Variants in OSBPL8 observed in about 807,000 individuals in gnomAD.
OSBPL8 encodes oxysterol-binding protein-related protein 8.
Under a neutral mutation model 125.5 loss-of-function variants are expected in OSBPL8, and 59 were observed. The ratio of observed to expected loss-of-function variants is 0.47; its 90% confidence interval spans 0.38 to 0.58. OSBPL8 has a LOEUF of 0.58. Among genes scored for constraint, OSBPL8 ranks in the 20% least tolerant of loss-of-function variants. The pLI, the probability that OSBPL8 is intolerant of heterozygous loss-of-function variation, is 0.00. For synonymous variants in OSBPL8, 330 were observed against 338.9 expected (o/e 0.97, Z 0.29); for missense variants, 758 against 1,047.8 (o/e 0.72, Z 3.82).
At chr12:76,362,617 A>T (rs1408366404) in intron 21 of OSBPL8, among the ~76,000 whole-genome samples, 1 of 152,204 alleles carries the variant, frequency 6.6e-6, no homozygotes, top group African/African-American at 2.4e-5. Context: ...TTTGAAAACC[A>T]GCACAAGACA....
At chr12:76,358,157 T>C (rs909777813) in intron 22 of OSBPL8, among the ~76,000 whole-genome samples, 5 of 149,794 alleles carry the variant, frequency 3.3e-5, no homozygotes, top group Middle Eastern at 3.5e-3. Context: ...AAGAGGTAGC[T>C]ACTACTAGAG....
intron 8 of OSBPL8, 87 bp from the exon 9 acceptor site, chr12:76,394,816 T>A (rs1219817094): frequency 3.4e-6 from 3 of 882,356 alleles, no homozygotes; most frequent in East Asian, 6.0e-5. Flanking sequence ...TCTGTAATAA[T>A]CTAAATCAGG....
At chr12:76,361,836 C>T (rs1194718632) in intron 21 of OSBPL8, among the ~76,000 whole-genome samples, 2 of 152,176 alleles carry the variant, frequency 1.3e-5, no homozygotes, top group Admixed American at 6.5e-5. Flanking sequence ...CTCCGGGTCC[C>T]TCCCACAGCA....
At chr12:76,454,729 TAAA>T (rs140485885) in intron 3 of OSBPL8, among the ~76,000 whole-genome samples, 1 of 117,082 alleles carries the variant, frequency 8.5e-6, no homozygotes, top group African/African-American at 3.0e-5. Flanking sequence ...TTTAAAAAAT[TAAA>T]AAAAAAAAAA....
chr12:76,392,372 G>A (rs1485255872), intron 10 of OSBPL8, among the ~76,000 whole-genome samples: 1 of 151,996 alleles, frequency 6.6e-6, no homozygotes, highest in East Asian at 1.9e-4. Flanking sequence ...GAAAGATAAA[G>A]TAAATCACGT....
intron 4 of OSBPL8, among the ~76,000 whole-genome samples, chr12:76,425,561 A>G (rs185091227): frequency 2.0e-5 from 3 of 152,278 alleles, no homozygotes; most frequent in African/African-American, 7.2e-5. Context: ...TCATTACCAA[A>G]AAGTCCCCCT....
At chr12:76,435,085 G>A (rs532836420) in intron 4 of OSBPL8, among the ~76,000 whole-genome samples, 12 of 151,984 alleles carry the variant, frequency 7.9e-5, no homozygotes, top group East Asian at 1.9e-4. Flanking sequence ...TCACAATAGC[G>A]AAGATATGGA....
chr12:76,511,126 G>C (rs1565956892), intron 1 of OSBPL8, among the ~76,000 whole-genome samples: 1 of 152,146 alleles, frequency 6.6e-6, no homozygotes, highest in Non-Finnish European at 1.5e-5. Context: ...GGTAGAGTGA[G>C]AGTCAAAACA....
At chr12:76,551,439 T>C (rs377444019) in intron 1 of OSBPL8, among the ~76,000 whole-genome samples, 16 of 152,182 alleles carry the variant, frequency 1.1e-4, no homozygotes, top group African/African-American at 3.6e-4. Context: ...CATTCTACAA[T>C]GCACAGGAAC....
chr12:76,456,383 G>A (rs966294450), intron 3 of OSBPL8, among the ~76,000 whole-genome samples: 2 of 152,148 alleles, frequency 1.3e-5, no homozygotes, highest in Non-Finnish European at 2.9e-5. Flanking sequence ...GGGACTGGGA[G>A]TGGTAGCTCA....
At chr12:76,549,922 AAAAAAAAAAAAGG>A (rs869155368) in intron 1 of OSBPL8, among the ~76,000 whole-genome samples, 213 of 10,154 alleles carry the variant, frequency 0.021, no homozygotes, top group African/African-American at 0.042. Flanking sequence ...AAGCAGATGC[AAAAAAAAAAAAGG>A]AAAAAAAAAT....
At position 76,441,683 on chromosome 12, in the gene OSBPL8, C is replaced by T. The variant is rs1443713088; in HGVS notation, c.217+9168G>A. Among the ~76,000 whole-genome samples, 3 of 151,702 alleles carry T rather than the reference C, an allele frequency of 2.0e-5. No individual in the cohort carries two copies. In the East Asian group the frequency reaches 5.8e-4, roughly 29 times the overall value. ...TTAAGTTAAAAAATATATAAAAGAACATTTTTTCAAGGAAAAAATACTCCT... is the reference window on the plus strand; with the variant it reads ...TTAAGTTAAAAAATATATAAAAGAATATTTTTTCAAGGAAAAAATACTCCT... On this transcript the variant is annotated intron_variant, in intron 4 of 23. Coordinates refer to ENST00000261183, the MANE Select transcript of OSBPL8 (RefSeq NM_020841.5).
chr12:76,556,741 G>A (rs1951112483), intron 1 of OSBPL8, among the ~76,000 whole-genome samples: 1 of 152,270 alleles, frequency 6.6e-6, no homozygotes, highest in East Asian at 1.9e-4. Context: ...TTGGCTCGTT[G>A]CAATCTCTGT....
intron 1 of OSBPL8, among the ~76,000 whole-genome samples, chr12:76,535,156 T>G (rs1327054577): frequency 6.6e-6 from 1 of 152,088 alleles, no homozygotes; most frequent in Non-Finnish European, 1.5e-5. Context: ...AAATTACTTC[T>G]CTTTAAAAAG....
intron 3 of OSBPL8, among the ~76,000 whole-genome samples, chr12:76,455,568 G>A (rs1411614457): frequency 6.6e-6 from 1 of 152,098 alleles, no homozygotes; most frequent in Non-Finnish European, 1.5e-5. Context: ...ACATGATTTT[G>A]ATAGCCGTGA....
chr12:76,412,520 T>C (rs1038938620), intron 4 of OSBPL8, among the ~76,000 whole-genome samples: 2 of 152,186 alleles, frequency 1.3e-5, no homozygotes, highest in Non-Finnish European at 2.9e-5. Flanking sequence ...CTAGTCTATA[T>C]CCCTTTAACT....
chr12:76,516,825 T>C (rs1881586950), intron 1 of OSBPL8, among the ~76,000 whole-genome samples: 1 of 151,034 alleles, frequency 6.6e-6, no homozygotes, highest in South Asian at 2.1e-4. Context: ...TTCTTTTTTT[T>C]TTTTTTTGAG....
Position 76,538,412 on chromosome 12 carries a change from C to T in OSBPL8, c.-68+20985G>A, listed in dbSNP as rs144940083. Among the ~76,000 whole-genome samples the T allele has an allele frequency of 4.8e-3, 728 of 152,188 alleles. 2 individuals are homozygous for T. The highest frequency in any genetic ancestry group is 8.1e-3 in the Non-Finnish European group (549 of 67,992). ...TAATAATAAGATTAGCAATAAAACACTAGTCAAGACCTGTCACTAACTTTT... is the reference window on the plus strand; with the variant it reads ...TAATAATAAGATTAGCAATAAAACATTAGTCAAGACCTGTCACTAACTTTT... On this transcript the variant is annotated intron_variant, in intron 1 of 23. Coordinates refer to ENST00000261183, the MANE Select transcript of OSBPL8 (RefSeq NM_020841.5).
intron 1 of OSBPL8, among the ~76,000 whole-genome samples, chr12:76,490,378 C>A (rs1042721750): frequency 6.6e-6 from 1 of 152,310 alleles, no homozygotes; most frequent in African/African-American, 2.4e-5. Flanking sequence ...CCTGCCCAAC[C>A]CCATCCTATG....
Sources: allele counts gnomAD v4.1 joint callset (sites outside exome capture counted in the v4.1 genomes callset), GRCh38; gene constraint gnomAD v4.1.1; transcripts MANE v1.5; gene names NCBI Gene and HGNC (gene_info 2026-07-23, HGNC 2026-07-21).